Variants in MSRB3 observed in about 807,000 individuals in gnomAD.
MSRB3 encodes the protein methionine sulfoxide reductase B3.
In MSRB3, 13 loss-of-function variants were observed where a neutral mutation model predicts 21.0. That is an observed-to-expected ratio of 0.62 (90% CI 0.40 to 0.98). The LOEUF (loss-of-function observed/expected upper bound fraction) is 0.98, where lower values mean the gene tolerates loss of function less well. Ranked by LOEUF, MSRB3 falls within the 50% of genes least tolerant of loss-of-function variation. The pLI, the probability that MSRB3 is intolerant of heterozygous loss-of-function variation, is 0.00. For synonymous variants in MSRB3, 87 were observed against 88.6 expected (o/e 0.98, Z 0.10); for missense variants, 199 against 230.3 (o/e 0.86, Z 0.88).
intron 1 of MSRB3, among the ~76,000 whole-genome samples, chr12:65,300,499 A>G (rs1873253276): frequency 6.6e-6 from 1 of 152,194 alleles, no homozygotes; most frequent in Non-Finnish European, 1.5e-5. Context: ...AAACAAGGAC[A>G]TCAATCTGGG....
chr12:65,457,871 A>G (rs1261809191), intron 6 of MSRB3, among the ~76,000 whole-genome samples: 1 of 152,018 alleles, frequency 6.6e-6, no homozygotes, highest in East Asian at 1.9e-4. Context: ...TATTATTATT[A>G]TTATTATTTT....
At chr12:65,370,893 G>T (rs1878279626) in intron 5 of MSRB3, among the ~76,000 whole-genome samples, 2 of 152,170 alleles carry the variant, frequency 1.3e-5, no homozygotes, top group Non-Finnish European at 2.9e-5. Context: ...GTTGTGGAAA[G>T]AATTCAGATG....
chr12:65,334,737 G>A (rs1055670086), intron 4 of MSRB3, among the ~76,000 whole-genome samples: 2 of 152,222 alleles, frequency 1.3e-5, no homozygotes, highest in African/African-American at 4.8e-5. Context: ...ATCCTGACAA[G>A]AAAATGGAGC....
At chr12:65,431,270 C>G (rs1167036731) in intron 5 of MSRB3, among the ~76,000 whole-genome samples, 2 of 152,018 alleles carry the variant, frequency 1.3e-5, no homozygotes, top group Non-Finnish European at 2.9e-5. Context: ...ATTGAAAAAT[C>G]AATCTCTTTC....
At chr12:65,393,649 A>G (rs1194963818) in intron 5 of MSRB3, among the ~76,000 whole-genome samples, 1 of 151,876 alleles carries the variant, frequency 6.6e-6, no homozygotes, top group East Asian at 1.9e-4. Flanking sequence ...AAAAAAAAAA[A>G]AAAAATGACT....
At chr12:65,415,031 A>G (rs983266281) in intron 5 of MSRB3, among the ~76,000 whole-genome samples, 1 of 152,304 alleles carries the variant, frequency 6.6e-6, no homozygotes, top group East Asian at 1.9e-4. Flanking sequence ...CCTGAGAGTG[A>G]CTAAGATAAC....
intron 3 of MSRB3, among the ~76,000 whole-genome samples, 182 bp from the exon 4 acceptor site, chr12:65,328,344 C>T (rs916971392): frequency 2.6e-5 from 4 of 151,636 alleles, no homozygotes; most frequent in African/African-American, 9.7e-5. Context: ...TAGTTATATG[C>T]ACATTTTATT....
chr12:65,413,832 G>GGT (rs1464666960), intron 5 of MSRB3, among the ~76,000 whole-genome samples: 1 of 151,988 alleles, frequency 6.6e-6, no homozygotes, highest in Non-Finnish European at 1.5e-5. Context: ...GGAAGACAGG[G>GGT]GTACAGTCAC....
intron 2 of MSRB3, among the ~76,000 whole-genome samples, chr12:65,322,428 G>A (rs1874733367): frequency 1.3e-5 from 2 of 152,060 alleles, no homozygotes; most frequent in African/African-American, 4.8e-5. Context: ...GGAGGCCGAG[G>A]CGGGCAGATC....
chr12:65,424,973 T>TTATATATA (rs149024921), intron 5 of MSRB3, among the ~76,000 whole-genome samples: 2,269 of 47,780 alleles, frequency 0.047, 89 homozygotes, highest in African/African-American at 0.13. Context: ...AATATTTGCT[T>TTATATATA]TATATATATA....
intron 5 of MSRB3, among the ~76,000 whole-genome samples, chr12:65,422,412 ATATATATATATATATATATTTATT>A (rs1419093203): frequency 7.7e-4 from 31 of 40,074 alleles, no homozygotes; most frequent in Middle Eastern, 0.02. Context: ...ATATATATAT[ATATATATATATATATATATTTATT>A]TATTTATTTA....
At chr12:65,444,061 T>C (rs1244823973) in intron 5 of MSRB3, among the ~76,000 whole-genome samples, 1 of 152,152 alleles carries the variant, frequency 6.6e-6, no homozygotes, top group African/African-American at 2.4e-5. Context: ...TAGTAGTTAA[T>C]AAAGTAATCA....
chr12:65,310,991 T>C lies in MSRB3; in HGVS notation c.76+2336T>C, dbSNP rs1873952145. Among the ~76,000 whole-genome samples, 8 of 152,336 alleles carry C rather than the reference T, an allele frequency of 5.3e-5. No homozygotes were observed. In the South Asian group the frequency reaches 1.4e-3, roughly 28 times the overall value. ...CATTTAGTAAACACCATATATGTCT[T>C]CACTATGTTCAATATGGAAATTCAT... On this transcript the variant is annotated intron_variant, in intron 2 of 6. Coordinates refer to ENST00000308259, the MANE Select transcript of MSRB3 (RefSeq NM_001031679.3).
intron 6 of MSRB3, among the ~76,000 whole-genome samples, chr12:65,459,419 T>C (rs1381852556): frequency 6.6e-6 from 1 of 152,214 alleles, no homozygotes; most frequent in African/African-American, 2.4e-5. Flanking sequence ...TCACAGCCCA[T>C]CTCTCTTTTT....
intron 4 of MSRB3, among the ~76,000 whole-genome samples, chr12:65,341,976 G>A (rs370246478): frequency 1.9e-4 from 29 of 151,816 alleles, no homozygotes; most frequent in African/African-American, 5.1e-4. Flanking sequence ...CATTTGTAAG[G>A]GTATAGAAGA....
At chr12:65,374,278 C>T (rs1231486900) in intron 5 of MSRB3, among the ~76,000 whole-genome samples, 1 of 151,968 alleles carries the variant, frequency 6.6e-6, no homozygotes, top group Non-Finnish European at 1.5e-5. Context: ...CATTTATCAG[C>T]AGAAATAAGA....
chr12:65,455,894 A>AT (rs532756201), intron 6 of MSRB3, among the ~76,000 whole-genome samples: 204 of 152,098 alleles, frequency 1.3e-3, no homozygotes, highest in African/African-American at 4.7e-3. Context: ...ACACCACCAC[A>AT]TCCAGATAAT....
chr12:65,455,759 T>C (rs1260198360), intron 6 of MSRB3, among the ~76,000 whole-genome samples: 1 of 152,072 alleles, frequency 6.6e-6, no homozygotes, highest in African/African-American at 2.4e-5. Flanking sequence ...GTTTTTGAAA[T>C]GGGATCTTAC....
chr12:65,371,607 A>C (rs1195145352), intron 5 of MSRB3, among the ~76,000 whole-genome samples: 2 of 151,538 alleles, frequency 1.3e-5, no homozygotes, highest in East Asian at 2.0e-4. Flanking sequence ...GTACTCACAC[A>C]CCCACACCCC....
Sources: gnomAD v4.1 joint callset for allele counts (sites outside exome capture counted in the v4.1 genomes callset) on GRCh38, gnomAD v4.1.1 for gene constraint, MANE v1.5 for transcripts, NCBI Gene and HGNC (gene_info 2026-07-23, HGNC 2026-07-21) for gene names.